SUFU: variants seen among roughly 807,000 people sequenced by gnomAD.
SUFU encodes the protein suppressor of fused homolog.
A neutral mutation model predicts 58.9 loss-of-function variants in SUFU; 7 were observed. The observed-to-expected ratio is 0.12, with a 90% confidence interval of 0.07 to 0.22. The LOEUF (loss-of-function observed/expected upper bound fraction) is 0.22, where lower values mean the gene tolerates loss of function less well. SUFU is among the 10% of genes least tolerant of loss of function. The probability of loss-of-function intolerance (pLI) is 1.00; values close to 1 mark genes in which losing one functional copy is unlikely to be tolerated. For missense variants in SUFU, 451 were observed against 641.3 expected, an observed-to-expected ratio of 0.70 and a Z score of 3.20; for synonymous variants, 232 against 254.8, an observed-to-expected ratio of 0.91 and a Z score of 0.85.
chr10:102,503,483 A>C (rs2062276374), upstream of SUFU, among the ~76,000 whole-genome samples: 1 of 152,176 alleles, frequency 6.6e-6, no homozygotes, highest in African/African-American at 2.4e-5. Flanking sequence ...AAGAGAGGTT[A>C]TGTGTCACTG....
Position 102,630,271 on chromosome 10 carries a change from T to G in SUFU, c.*116T>G, listed in dbSNP as rs1180713545. On this transcript the variant is annotated 3_prime_UTR_variant, in exon 12 of 12. Coordinates refer to ENST00000369902, the MANE Select transcript of SUFU (RefSeq NM_016169.4). Reference sequence around the variant, plus strand: ...ATAAAAGGACAAGTGTGAGGAAGACTGCGCAGTGCCACCCCGCAGCCCAGT... The same window carrying G: ...ATAAAAGGACAAGTGTGAGGAAGACGGCGCAGTGCCACCCCGCAGCCCAGT... The G allele has an allele frequency of 6.4e-6, 6 of 943,814 alleles. No homozygotes were observed. The highest frequency in any genetic ancestry group is 5.3e-5 in the South Asian group (4 of 74,878). 58.5% of individuals were successfully genotyped at this position (943,814 alleles called of 1,614,324 possible).
intron 8 of SUFU, among the ~76,000 whole-genome samples, chr10:102,611,957 T>C (rs1041743719): frequency 1.2e-4 from 19 of 152,146 alleles, no homozygotes; most frequent in African/African-American, 4.6e-4. Flanking sequence ...TCCCCTCCAC[T>C]GGGAACTCAG....
At chr10:102,513,832 T>C (rs1453978236) in intron 2 of SUFU, among the ~76,000 whole-genome samples, 1 of 152,242 alleles carries the variant, frequency 6.6e-6, no homozygotes, top group Non-Finnish European at 1.5e-5. Context: ...TGTAGTATTA[T>C]TTACTTCATG....
At chr10:102,510,777 C>T (rs945053007) in intron 2 of SUFU, among the ~76,000 whole-genome samples, 5 of 151,276 alleles carry the variant, frequency 3.3e-5, no homozygotes, top group Admixed American at 6.6e-5. Flanking sequence ...GAGCTGAGAT[C>T]GTGCCACTGT....
At chr10:102,586,318 G>A (rs1208880630) in intron 3 of SUFU, among the ~76,000 whole-genome samples, 1 of 152,040 alleles carries the variant, frequency 6.6e-6, no homozygotes, top group Non-Finnish European at 1.5e-5. Context: ...AATATATGCT[G>A]GATACTTATT....
At chr10:102,570,806 T>C (rs1286180280) in intron 3 of SUFU, among the ~76,000 whole-genome samples, 1 of 152,192 alleles carries the variant, frequency 6.6e-6, no homozygotes, top group Non-Finnish European at 1.5e-5. Flanking sequence ...TCTTCCTATG[T>C]GGGTGGATTC....
chr10:102,556,868 T>C (rs1415686281), intron 3 of SUFU, among the ~76,000 whole-genome samples: 1 of 151,780 alleles, frequency 6.6e-6, no homozygotes, highest in Non-Finnish European at 1.5e-5. Flanking sequence ...GACAGGCAGA[T>C]CACTTCAGGT....
intron 3 of SUFU, among the ~76,000 whole-genome samples, chr10:102,579,338 G>A (rs2063249132): frequency 6.6e-6 from 1 of 152,200 alleles, no homozygotes; most frequent in South Asian, 2.1e-4. Flanking sequence ...AACTGCATCA[G>A]TCCAGTTCTG....
chr10:102,559,956 G>A (rs1293596149), intron 3 of SUFU, among the ~76,000 whole-genome samples: 2 of 152,162 alleles, frequency 1.3e-5, no homozygotes, highest in African/African-American at 4.8e-5. Context: ...CAGTTGGCTC[G>A]ATTTGTGAGT....
chr10:102,518,448 C>T (rs1241591563), intron 2 of SUFU, among the ~76,000 whole-genome samples: 1 of 152,098 alleles, frequency 6.6e-6, no homozygotes, highest in Non-Finnish European at 1.5e-5. Context: ...GTAGAGTTAA[C>T]CAGAAAGTGC....
intron 2 of SUFU, among the ~76,000 whole-genome samples, chr10:102,539,537 G>C (rs2062776524): frequency 6.6e-6 from 1 of 152,144 alleles, no homozygotes. Flanking sequence ...TTGAGGCTAT[G>C]TCAGTATCTT....
At chr10:102,569,166 G>T (rs2063136450) in intron 3 of SUFU, among the ~76,000 whole-genome samples, 1 of 151,612 alleles carries the variant, frequency 6.6e-6, no homozygotes, top group African/African-American at 2.4e-5. Context: ...TCTAAAGTGG[G>T]ATTGTGGGTC....
At chr10:102,622,624 C>T (rs1489622095) in intron 10 of SUFU, among the ~76,000 whole-genome samples, 1 of 151,900 alleles carries the variant, frequency 6.6e-6, no homozygotes, top group East Asian at 1.9e-4. Context: ...CGCCTGTAGT[C>T]CCAGCTTGTT....
chr10:102,584,749 G>T (rs1414380245), intron 3 of SUFU, among the ~76,000 whole-genome samples: 1 of 151,938 alleles, frequency 6.6e-6, no homozygotes, highest in Non-Finnish European at 1.5e-5. Flanking sequence ...AAAAAAAAAA[G>T]GCAAGTCAAT....
chr10:102,580,428 T>A (rs1396250774), intron 3 of SUFU, among the ~76,000 whole-genome samples: 4 of 152,256 alleles, frequency 2.6e-5, no homozygotes, highest in East Asian at 1.9e-4. Flanking sequence ...TGCTGCAAGG[T>A]TTCTGTCCTA....
At chr10:102,557,230 T>TAA (rs1478018952) in intron 3 of SUFU, among the ~76,000 whole-genome samples, 17 of 121,010 alleles carry the variant, frequency 1.4e-4, no homozygotes, top group African/African-American at 4.9e-4. Flanking sequence ...ACCCTGCCTC[T>TAA]AAAAAAAAAA....
intron 2 of SUFU, among the ~76,000 whole-genome samples, chr10:102,532,844 T>C (rs2062691673): frequency 6.6e-6 from 1 of 152,170 alleles, no homozygotes; most frequent in Admixed American, 6.5e-5. Flanking sequence ...GTCTGGACTT[T>C]GTTCTGCAGA....
At chr10:102,516,131 T>C (rs11592819) in intron 2 of SUFU, among the ~76,000 whole-genome samples, 1 of 148,398 alleles carries the variant, frequency 6.7e-6, no homozygotes, top group South Asian at 2.1e-4. Context: ...TTTTCTTTTT[T>C]TTTTTTTTTT....
chr10:102,582,427 G>T (rs1380043653), intron 3 of SUFU, among the ~76,000 whole-genome samples: 1 of 151,978 alleles, frequency 6.6e-6, no homozygotes, highest in Non-Finnish European at 1.5e-5. Context: ...CCTCTCCCTA[G>T]ATTTTGCTAA....
Sources: gnomAD v4.1 joint callset for allele counts (sites outside exome capture counted in the v4.1 genomes callset) on GRCh38, gnomAD v4.1.1 for gene constraint, MANE v1.5 for transcripts, NCBI Gene and HGNC (gene_info 2026-07-23, HGNC 2026-07-21) for gene names.